Variants in NLGN1 observed in about 807,000 individuals in gnomAD.
NLGN1 encodes neuroligin 1.
A neutral mutation model predicts 65.5 loss-of-function variants in NLGN1; 12 were observed. That is an observed-to-expected ratio of 0.18 (90% confidence interval 0.12 to 0.30). NLGN1 has a LOEUF of 0.30. NLGN1 is among the 10% of genes least tolerant of loss of function. NLGN1 has a pLI of 1.00. For synonymous variants in NLGN1, 350 were observed against 359.5 expected, an observed-to-expected ratio of 0.97 and a Z score of 0.30; for missense variants, 750 against 1,007.1, an observed-to-expected ratio of 0.74 and a Z score of 3.46.
chr3:173,900,273 A>G (rs1245803788), intron 4 of NLGN1, among the ~76,000 whole-genome samples: 1 of 152,130 alleles, frequency 6.6e-6, no homozygotes, highest in Non-Finnish European at 1.5e-5. Flanking sequence ...TTTTTTAAAT[A>G]CTAACAACTT....
chr3:173,604,696 T>C, exon 3 of NLGN1: 1 of 1,613,756 alleles, frequency 6.2e-7, no homozygotes, highest in Non-Finnish European at 8.5e-7. Context: ...ACTCTCTGTA[T>C]GTTGGGATGT....
intron 4 of NLGN1, among the ~76,000 whole-genome samples, chr3:174,018,942 AG>A (rs1727184461): frequency 6.6e-6 from 1 of 152,184 alleles, no homozygotes. Flanking sequence ...AATATAAGGA[AG>A]AAAAACTGAA....
intron 2 of NLGN1, among the ~76,000 whole-genome samples, chr3:173,545,185 C>T (rs1739580405): frequency 6.6e-6 from 1 of 152,128 alleles, no homozygotes; most frequent in Non-Finnish European, 1.5e-5. Flanking sequence ...AGTGATTCTC[C>T]TGCCTCAACC....
chr3:173,728,198 G>A lies in NLGN1; in HGVS notation c.494-79482G>A, dbSNP rs568760472. Among the ~76,000 whole-genome samples the A allele has an allele frequency of 2.6e-5, 4 of 152,146 alleles. No individual in the cohort carries two copies. The East Asian group carries it at 5.8e-4, about 22-fold the overall frequency. On this transcript the variant is annotated intron_variant, in intron 3 of 6. Coordinates refer to ENST00000457714, the Ensembl canonical transcript of NLGN1. The stretch of plus-strand genomic sequence containing the variant: ...AGAGAAGAATGGATGTGAGAGATGT[G>A]TAGTAGAGAAAAATGACTAGACTTA...
At chr3:173,931,087 T>C (rs1279654849) in intron 4 of NLGN1, among the ~76,000 whole-genome samples, 1 of 152,192 alleles carries the variant, frequency 6.6e-6, no homozygotes, top group East Asian at 1.9e-4. Context: ...TCAATCTCTA[T>C]GATTGCTTAG....
At chr3:174,211,362 G>C (rs979267953) in intron 4 of NLGN1, among the ~76,000 whole-genome samples, 4 of 151,884 alleles carry the variant, frequency 2.6e-5, no homozygotes, top group African/African-American at 9.7e-5. Context: ...TGAGCTAGGC[G>C]CAAAGGTTCT....
At chr3:173,415,707 T>C (rs1263068601) in intron 1 of NLGN1, among the ~76,000 whole-genome samples, 1 of 152,198 alleles carries the variant, frequency 6.6e-6, no homozygotes, top group East Asian at 1.9e-4. Flanking sequence ...TAGGATACCA[T>C]TGAGTATAGC....
chr3:173,404,774 A>G (rs1196539023), intron 1 of NLGN1, among the ~76,000 whole-genome samples: 1 of 152,120 alleles, frequency 6.6e-6, no homozygotes, highest in Non-Finnish European at 1.5e-5. Context: ...AGCCTAAGCT[A>G]CTGCAAGTTC....
chr3:173,543,752 A>G (rs563404954), intron 2 of NLGN1, among the ~76,000 whole-genome samples: 1 of 152,308 alleles, frequency 6.6e-6, no homozygotes, highest in African/African-American at 2.4e-5. Flanking sequence ...AATCTGTGCT[A>G]GTCAGTATAG....
At chr3:173,845,301 G>T (rs1360710630) in intron 4 of NLGN1, among the ~76,000 whole-genome samples, 1 of 152,018 alleles carries the variant, frequency 6.6e-6, no homozygotes, top group Non-Finnish European at 1.5e-5. Context: ...TACATACTGG[G>T]GCCTGTCTTA....
intron 1 of NLGN1, among the ~76,000 whole-genome samples, chr3:173,415,906 G>T (rs34365631): frequency 0.1 from 12,534 of 124,302 alleles, 601 homozygotes; most frequent in Admixed American, 0.12. Context: ...TATATATATA[G>T]AGAGAGAGAG....
intron 4 of NLGN1, among the ~76,000 whole-genome samples, chr3:174,242,147 G>A (rs1283167588): frequency 6.6e-6 from 1 of 152,120 alleles, no homozygotes; most frequent in African/African-American, 2.4e-5. Context: ...TTAATGTGTT[G>A]ATAATAATAC....
intron 4 of NLGN1, among the ~76,000 whole-genome samples, chr3:173,970,656 A>G (rs1257895916): frequency 6.6e-6 from 1 of 152,188 alleles, no homozygotes; most frequent in East Asian, 1.9e-4. Flanking sequence ...CATAGTGGCT[A>G]AAAGGAGCTG....
At chr3:174,157,284 C>A (rs1303840358) in intron 4 of NLGN1, among the ~76,000 whole-genome samples, 1 of 151,738 alleles carries the variant, frequency 6.6e-6, no homozygotes, top group Non-Finnish European at 1.5e-5. Flanking sequence ...CCCAGTGTAA[C>A]TGGTAACCTT....
Position 173,493,382 on chromosome 3 carries a change from A to G in NLGN1, c.-321+58304A>G, listed in dbSNP as rs550069550. On this transcript the variant is annotated intron_variant, in intron 2 of 6. Coordinates refer to ENST00000457714, the Ensembl canonical transcript of NLGN1. ...AAATGGCCTAATTTCAGCAAGCAAT[A>G]ATGAACTGCAGTTTGTGTTAATCAT... 2.0e-5 allele frequency among the ~76,000 whole-genome samples: 3 copies of G among 151,960 alleles called. 1 individual carries two copies. The highest frequency in any genetic ancestry group is 1.3e-4 in the Admixed American group (2 of 15,256).
chr3:173,713,024 A>G (rs1396866473), intron 3 of NLGN1, among the ~76,000 whole-genome samples: 2 of 152,122 alleles, frequency 1.3e-5, no homozygotes, highest in African/African-American at 4.8e-5. Context: ...ACATTCTAAG[A>G]GATTATATTC....
rs559778460 is a variant in NLGN1, at chr3:173,764,521, G to A, written c.494-43159G>A. On this transcript the variant is annotated intron_variant, in intron 3 of 6. Transcript: ENST00000457714. ...AGAGGTATATTTGCTCCTGTGTTCC[G>A]AAGGAGTTAAGAAGACTCTGAGAAG... Among the ~76,000 whole-genome samples, 10 of 152,254 alleles carry A rather than the reference G, an allele frequency of 6.6e-5. No individual in the cohort carries two copies. The South Asian group carries it at 2.1e-3, about 32-fold the overall frequency.
chr3:173,448,733 T>C (rs1720878134), intron 2 of NLGN1, among the ~76,000 whole-genome samples: 1 of 152,202 alleles, frequency 6.6e-6, no homozygotes, highest in African/African-American at 2.4e-5. Flanking sequence ...ATTGCCTCAA[T>C]TTCAGAGCCT....
intron 4 of NLGN1, among the ~76,000 whole-genome samples, chr3:173,989,324 C>G (rs565524466): frequency 6.6e-6 from 1 of 152,258 alleles, no homozygotes; most frequent in East Asian, 1.9e-4. Flanking sequence ...CCTTGAAAAA[C>G]TCTTGTCCAC....
Sources: gnomAD v4.1 joint callset for allele counts (sites outside exome capture counted in the v4.1 genomes callset) on GRCh38, gnomAD v4.1.1 for gene constraint, MANE v1.5 for transcripts, NCBI Gene and HGNC (gene_info 2026-07-23, HGNC 2026-07-21) for gene names.